Variants in BRF1 observed in about 807,000 individuals in gnomAD.
BRF1 encodes the protein BRF1 general transcription factor IIIB subunit.
BRF1 carries 59 observed loss-of-function variants against 81.7 expected under a neutral mutation model. That is an observed-to-expected ratio of 0.72 (90% CI 0.59 to 0.90). BRF1 has a LOEUF of 0.90. Among genes scored for constraint, BRF1 ranks in the 40% least tolerant of loss-of-function variants. The pLI, the probability that BRF1 is intolerant of heterozygous loss-of-function variation, is 0.00. For synonymous variants in BRF1, 491 were observed against 395.6 expected (o/e 1.24, Z -2.86); for missense variants, 1,050 against 936.3 (o/e 1.12, Z -1.58).
At chr14:105,224,779 A>C (rs921759162) in intron 10 of BRF1, among the ~76,000 whole-genome samples, 2 of 152,098 alleles carry the variant, frequency 1.3e-5, no homozygotes, top group Non-Finnish European at 2.9e-5. Context: ...AACTCTGCTC[A>C]AGCAGTCCTC....
intron 15 of BRF1, among the ~76,000 whole-genome samples, chr14:105,215,778 G>GCA (rs587627730): frequency 1.2e-3 from 107 of 92,832 alleles, no homozygotes; most frequent in African/African-American, 3.5e-3. Flanking sequence ...CACACACACT[G>GCA]CACACACACA....
rs930864874 is a variant in BRF1, at chr14:105,309,715, G to A, written c.-162+5607C>T. On this transcript the variant is annotated intron_variant, in intron 1 of 17. Transcript: ENST00000327359. This position sits in a 1 kb window ranked among gnomAD's most constrained non-coding sequence, Gnocchi z 4.0. ...TGCAGGACACCGAGGATGTCATCAC[G>A]ACCTTAGGTCTGTATTAGGTCTAGA... 1.3e-5 allele frequency among the ~76,000 whole-genome samples: 2 copies of A among 150,920 alleles called. No individual in the cohort carries two copies. Among genetic ancestry groups the A allele is most frequent in the South Asian group, 2.1e-4 (1 of 4,782 alleles).
rs907188324 is a variant in BRF1 at position 105,247,178 on chromosome 14, G to A, written c.544+5329C>T. Reference sequence around the variant, plus strand: ...TGAAATCGCAGCTGTGGCCTCGGTGGGTGTGTCCTTGGCGGGTGCATCCAC... The same window carrying A: ...TGAAATCGCAGCTGTGGCCTCGGTGAGTGTGTCCTTGGCGGGTGCATCCAC... On this transcript the variant is annotated intron_variant, in intron 5 of 17. Coordinates refer to ENST00000547530, the MANE Select transcript of BRF1 (RefSeq NM_001519.4). 5 of 985,356 alleles carry A rather than the reference G, an allele frequency of 5.1e-6. No homozygotes were observed. In the African/African-American group the frequency reaches 7.0e-5, roughly 14 times the overall value. The allele number at this position is 985,356 out of a possible 1,614,324, so 61.0% of individuals were successfully genotyped here.
At chr14:105,257,786 C>A (rs1314605349) in intron 3 of BRF1, among the ~76,000 whole-genome samples, 1 of 152,148 alleles carries the variant, frequency 6.6e-6, no homozygotes, top group Non-Finnish European at 1.5e-5. Flanking sequence ...GAAAAGTGAA[C>A]GAGGCCAGAA....
chr14:105,219,718 C>T (rs1891940311), intron 12 of BRF1: 1 of 430,056 alleles, frequency 2.3e-6, no homozygotes, highest in Non-Finnish European at 4.2e-6. Flanking sequence ...TTTGGGGGCG[C>T]ACAGCGCATG....
Position 105,249,323 on chromosome 14 carries a change from G to C in BRF1, c.544+3184C>G, listed in dbSNP as rs375678305. On this transcript the variant is annotated intron_variant, in intron 5 of 17. Transcript: ENST00000547530. Reference sequence around the variant, plus strand: ...CCGTGTGGCTGACACGCAGCCTGCGGGAGAGCCAGGCTCACGGCGGCGCTT... The same window carrying C: ...CCGTGTGGCTGACACGCAGCCTGCGCGAGAGCCAGGCTCACGGCGGCGCTT... 245 of 1,597,830 alleles carry C rather than the reference G, an allele frequency of 1.5e-4. 1 individual carries two copies. The African/African-American group carries it at 3.1e-3, about 20-fold the overall frequency.
At chr14:105,250,391 C>T (rs781466998) in intron 5 of BRF1, 2 of 1,613,792 alleles carry the variant, frequency 1.2e-6, no homozygotes, top group Non-Finnish European at 1.7e-6. Context: ...TGAGCTCAAG[C>T]GGCTCGGGGT....
chr14:105,290,326 G>A (rs2057467729), intron 1 of BRF1, among the ~76,000 whole-genome samples: 1 of 152,152 alleles, frequency 6.6e-6, no homozygotes, highest in South Asian at 2.1e-4. Flanking sequence ...GGCTGAAGCG[G>A]GAGAATCACT....
rs750634947 is a variant in BRF1 at position 105,215,953 on chromosome 14, GCACA to G, written c.1772+1587_1772+1590del. 5.5e-5 allele frequency among the ~76,000 whole-genome samples: 6 copies of G among 109,466 alleles called. No homozygotes were observed. In the East Asian group the frequency reaches 1.8e-3, roughly 33 times the overall value. The allele number at this position is 109,466 out of a possible 152,430, so 71.8% of individuals were successfully genotyped here. The stretch of plus-strand genomic sequence containing the variant: ...ACACACACTGCATACACAGACACAG[GCACA>G]CACACACATGCACACACACTGCATA... On this transcript the variant is annotated intron_variant, in intron 15 of 17. Transcript: ENST00000547530.
intron 1 of BRF1, among the ~76,000 whole-genome samples, chr14:105,311,565 T>C (rs1249377077): frequency 6.6e-6 from 1 of 152,212 alleles, no homozygotes; most frequent in Non-Finnish European, 1.5e-5. Context: ...TGTTTTTAGC[T>C]ACTTTTAACT....
rs587680925 is a variant in BRF1 at position 105,269,049 on chromosome 14, G to A, written c.439+3672C>T. 6.6e-6 allele frequency among the ~76,000 whole-genome samples: 1 copy of A among 152,328 alleles called. No individual in the cohort carries two copies. Among genetic ancestry groups the A allele is most frequent in the South Asian group, 2.1e-4 (1 of 4,830 alleles). ...GCCAGAGCCAATGCAGGTCAGCAGG[G>A]AGGGAGAAGGCACAGGGGCAGGAGA... On this transcript the variant is annotated intron_variant, in intron 3 of 17. Transcript: ENST00000547530. This position sits in a 1 kb window ranked among gnomAD's most constrained non-coding sequence, Gnocchi z 5.0.
At position 105,271,432 on chromosome 14, in the gene BRF1, A is replaced by T. The variant is rs906881299; in HGVS notation, c.439+1289T>A. On this transcript the variant is annotated intron_variant, in intron 3 of 17. Coordinates refer to ENST00000547530, the MANE Select transcript of BRF1 (RefSeq NM_001519.4). The surrounding 1 kb of genome is among the most constrained non-coding windows in gnomAD (Gnocchi z 5.5). ...GGAGGCAAGGCGACGGCAGGGGCGC[A>T]GGCTGGGAGGCAGACATGTGGCCGG... Among the ~76,000 whole-genome samples the T allele has an allele frequency of 5.9e-5, 9 of 152,240 alleles. No individual in the cohort carries two copies. Among genetic ancestry groups the T allele is most frequent in the African/African-American group, 2.2e-4 (9 of 41,472 alleles).
chr14:105,226,230 A>C (rs375751042), intron 9 of BRF1, 21 bp downstream of exon 9: 16 of 1,613,974 alleles, frequency 9.9e-6, no homozygotes, highest in Admixed American at 3.3e-5. Context: ...GAAGCATTAC[A>C]TGGGAAGATT....
At position 105,314,951 on chromosome 14, in the gene BRF1, C is replaced by T. The variant is rs587698346; in HGVS notation, c.-162+371G>A. The T allele has an allele frequency of 6.5e-4, 767 of 1,178,490 alleles. No homozygotes were observed. The African/African-American group carries it at 0.01, about 16-fold the overall frequency. 73.0% of individuals were successfully genotyped at this position (1,178,490 alleles called of 1,614,324 possible). A position where few individuals can be genotyped will look rare whatever the true frequency, so the allele number is the denominator to read the frequency against. On this transcript the variant is annotated intron_variant, in intron 1 of 17. Transcript: ENST00000327359. ...AGCGAGGCCGCCTCGGCCTCCCCGGCGCGCCCGGCGCGCTCAACACGCCCG... is the reference window on the plus strand; with the variant it reads ...AGCGAGGCCGCCTCGGCCTCCCCGGTGCGCCCGGCGCGCTCAACACGCCCG...
intron 5 of BRF1, chr14:105,247,019 G>C (rs897516149): frequency 1.0e-6 from 1 of 985,272 alleles, no homozygotes; most frequent in Admixed American, 6.2e-5. Flanking sequence ...CATGTAGGCT[G>C]TCTCCACTCT....
chr14:105,305,165 C>T (rs968771611), upstream of BRF1, among the ~76,000 whole-genome samples: 17 of 152,106 alleles, frequency 1.1e-4, no homozygotes, highest in Admixed American at 1.0e-3. Context: ...CTTTGGGAGG[C>T]TGAGGAGGGA....
At chr14:105,222,280 T>TA in intron 10 of BRF1, 1 of 204,454 alleles carries the variant, frequency 4.9e-6, no homozygotes, top group Non-Finnish European at 9.6e-6. Flanking sequence ...AAGACATCGT[T>TA]AAGACAATGA....
intron 10 of BRF1, among the ~76,000 whole-genome samples, chr14:105,223,376 C>T (rs1032657918): frequency 1.3e-5 from 2 of 152,184 alleles, no homozygotes; most frequent in African/African-American, 4.8e-5. Context: ...ACACCCTCAG[C>T]GTGCTGAAGG....
At chr14:105,240,892 C>G (rs1044331681) in intron 6 of BRF1, among the ~76,000 whole-genome samples, 2 of 151,022 alleles carry the variant, frequency 1.3e-5, no homozygotes, top group African/African-American at 4.9e-5. Context: ...CTGTGGCACC[C>G]TCAGGAGCAA....
Sources: allele counts gnomAD v4.1 joint callset (sites outside exome capture counted in the v4.1 genomes callset), GRCh38; gene constraint gnomAD v4.1.1; non-coding constraint Gnocchi (gnomAD v3.1); transcripts MANE v1.5; gene names NCBI Gene and HGNC (gene_info 2026-07-23, HGNC 2026-07-21).